The following RBBP8NL variants were observed in gnomAD, a reference collection of about 807,000 sequenced individuals.
RBBP8NL encodes RBBP8 N-terminal-like protein.
A neutral mutation model predicts 62.2 loss-of-function variants in RBBP8NL; 59 were observed. The ratio of observed to expected loss-of-function variants is 0.95; its 90% CI spans 0.77 to 1.18. The LOEUF (loss-of-function observed/expected upper bound fraction) is 1.18. Among genes scored for constraint, RBBP8NL ranks in the 50% most tolerant of loss-of-function variants. RBBP8NL has a pLI of 0.00. For synonymous variants in RBBP8NL, 412 were observed against 394.1 expected (o/e 1.05, Z -0.54); for missense variants, 896 against 899.5 (o/e 1.00, Z 0.05).
At chr20:62,420,249 T>C (rs1428046003) in intron 1 of RBBP8NL, among the ~76,000 whole-genome samples, 1 of 152,026 alleles carries the variant, frequency 6.6e-6, no homozygotes, top group Admixed American at 6.6e-5. Context: ...AACACCACTG[T>C]CACAGCACCT....
chr20:62,416,189 C>T lies in RBBP8NL; in HGVS notation c.361G>A (p.Glu121Lys), dbSNP rs1196449449. ...CCCAGGCCCCGAAGCCGCTTCACCT[C>T]CTCCTTCAAGGTCTCGTTCTCTTCC... ...LKEENETLKE[E>K]VKRLRGLGDR... is the part of the protein sequence containing the mutation. The change falls in exon 6 of 14, where the codon GAG becomes AAG. Residue 121 changes from glutamate to lysine, a missense_variant. Glu to Lys is a moderately conservative substitution (Grantham distance 56, BLOSUM62 1). Transcript: ENST00000252998. 6 of 1,613,068 alleles carry T rather than the reference C, an allele frequency of 3.7e-6. No homozygotes were observed. Among genetic ancestry groups the T allele is most frequent in the Non-Finnish European group, 4.2e-6 (5 of 1,179,818 alleles).
Position 62,416,163 on chromosome 20 carries a change from C to T in RBBP8NL, c.386+1G>A, listed in dbSNP as rs2146439992. ...GAGCCCTGGGACCCTTTCCCACTCA[C>T]CCCAGGCCCCGAAGCCGCTTCACCT... On this transcript the variant is annotated splice_donor_variant, in intron 6 of 13. Transcript: ENST00000252998. LOFTEE classifies it high-confidence loss of function. 6.2e-7 allele frequency: 1 copy of T among 1,611,576 alleles called. No individual in the cohort carries two copies. Among genetic ancestry groups the T allele is most frequent in the East Asian group, 2.2e-5 (1 of 44,858 alleles).
At chr20:62,419,035 C>T (rs1223009568) in intron 2 of RBBP8NL, among the ~76,000 whole-genome samples, 3 of 151,978 alleles carry the variant, frequency 2.0e-5, no homozygotes, top group Non-Finnish European at 4.4e-5. Context: ...GGGCTGCGGC[C>T]CTGTCCCTCG....
At chr20:62,413,768 G>A (rs1344773524) in intron 10 of RBBP8NL, 53 bp downstream of exon 10, 2 of 1,526,378 alleles carry the variant, frequency 1.3e-6, no homozygotes, top group East Asian at 4.6e-5. Flanking sequence ...CCGGCCCGGG[G>A]TGGGGGACGT....
In RBBP8NL at chr20:62,418,836, C is replaced by T. The variant is rs191927689; in HGVS notation, c.62-371G>A. Among the ~76,000 whole-genome samples, 34 of 152,262 alleles carry T rather than the reference C, an allele frequency of 2.2e-4. No homozygotes were observed. In the South Asian group the frequency reaches 2.5e-3, roughly 11 times the overall value. Reference sequence around the variant, plus strand: ...GTTGAAATAAGATAAGCTTCTGGGGCGGACCCCACCAGACCCTCTCCTTGC... The same window carrying T: ...GTTGAAATAAGATAAGCTTCTGGGGTGGACCCCACCAGACCCTCTCCTTGC... On this transcript the variant is annotated intron_variant, in intron 2 of 13. Transcript: ENST00000252998.
At chr20:62,416,056 C>A (rs919409721) in intron 6 of RBBP8NL, 108 bp downstream of exon 6, 2 of 1,470,744 alleles carry the variant, frequency 1.4e-6, no homozygotes, top group African/African-American at 2.8e-5. Flanking sequence ...TGTCCCGACA[C>A]TGCCTGAGAG....
intron 13 of RBBP8NL, among the ~76,000 whole-genome samples, chr20:62,412,343 T>A (rs1988452351): frequency 6.6e-6 from 1 of 152,050 alleles, no homozygotes; most frequent in Non-Finnish European, 1.5e-5. Flanking sequence ...TCTCCTACGA[T>A]CCCTAATGTC....
intron 7 of RBBP8NL, 53 bp from the exon 8 acceptor site, chr20:62,415,713 C>A: frequency 1.2e-6 from 2 of 1,607,846 alleles, no homozygotes; most frequent in South Asian, 1.1e-5. Flanking sequence ...AGAGGGGCAG[C>A]GGCCCAGCCC....
Position 62,415,826 on chromosome 20 carries a change from G to A in RBBP8NL, c.506C>T (p.Ala169Val). ...GCCCACGCCCTGGTGGTCTTCCTCA[G>A]CCTCCTCGTGGCCTCCCGGTGGCTT... is the stretch of plus-strand genomic sequence containing the variant. ...TEKPPGGHEE[A>V]EEDHQGVGLR... Residue 169 changes from alanine to valine, a missense_variant, in exon 7 of 14, where the codon GCT (alanine) becomes GTT (valine). Ala to Val is a moderately conservative substitution (Grantham distance 64, BLOSUM62 0). Transcript: ENST00000252998. The A allele has an allele frequency of 6.2e-7, 1 of 1,612,450 alleles. No individual in the cohort carries two copies. Among genetic ancestry groups the A allele is most frequent in the South Asian group, 1.1e-5 (1 of 91,076 alleles).
intron 13 of RBBP8NL, among the ~76,000 whole-genome samples, chr20:62,411,213 C>T (rs1988427421): frequency 6.6e-6 from 1 of 152,234 alleles, no homozygotes; most frequent in African/African-American, 2.4e-5. Context: ...GGTGGACACT[C>T]TCCCCATTGT....
intron 13 of RBBP8NL, 106 bp downstream of exon 13, chr20:62,412,518 A>C: frequency 7.0e-7 from 1 of 1,421,186 alleles, no homozygotes; most frequent in South Asian, 1.3e-5. Context: ...CATCATTCTG[A>C]GGCTGCCATT....
chr20:62,425,479 C>T (rs1988784622), intron 1 of RBBP8NL, among the ~76,000 whole-genome samples: 1 of 152,230 alleles, frequency 6.6e-6, no homozygotes, highest in Non-Finnish European at 1.5e-5. Flanking sequence ...CTCCCACACA[C>T]AGGCCAGGGA....
Position 62,416,704 on chromosome 20 carries a change from TG to T in RBBP8NL, c.313+55del, listed in dbSNP as rs377566335. On this transcript the variant is annotated intron_variant, in intron 5 of 13. Coordinates refer to ENST00000252998, the MANE Select transcript of RBBP8NL (RefSeq NM_080833.3). ...TGCCCCTACATGGGCTGAACAGGCC[TG>T]GGGTCGCCTGGCCCCGTGGGAGAGG... 6.9e-5 allele frequency: 87 copies of T among 1,261,684 alleles called. No homozygotes were observed. The African/African-American group carries it at 1.2e-3, about 17-fold the overall frequency. 78.2% of individuals were successfully genotyped at this position (1,261,684 alleles called of 1,614,324 possible).
intron 1 of RBBP8NL, among the ~76,000 whole-genome samples, chr20:62,426,182 C>T (rs373110709): frequency 3.4e-5 from 5 of 148,516 alleles, no homozygotes; most frequent in East Asian, 4.0e-4. Flanking sequence ...GTGGAAGCAG[C>T]GGCAGCGGCA....
intron 3 of RBBP8NL, 134 bp from the exon 4 acceptor site, chr20:62,417,453 C>T (rs927951910): frequency 1.7e-5 from 11 of 657,668 alleles, no homozygotes; most frequent in African/African-American, 1.3e-4. Context: ...TAACCCGGTG[C>T]CCCCCTCCCA....
rs1366348197 is a variant in RBBP8NL, at chr20:62,415,913, GT to G, written c.418del (p.Thr140ProfsTer70). On this transcript the variant is annotated frameshift_variant, in exon 7 of 14. Transcript: ENST00000252998. LOFTEE classifies it high-confidence loss of function. Reference sequence around the variant, plus strand: ...CAGCAGGGGTGAGGGGGGGTCCGAGGTGCCCTCCTTGGCCCGGGGCTTGGGC... The same window carrying G: ...CAGCAGGGGTGAGGGGGGGTCCGAGGGCCCTCCTTGGCCCGGGGCTTGGGC... Reference protein sequence around the residue: ...DRPKPRAKEGTSDPPSPLLLP... With the variant: ...DRPKPRAKEGXSDPPSPLLLP... 6.3e-7 allele frequency: 1 copy of G among 1,576,924 alleles called. No individual in the cohort carries two copies.
In RBBP8NL at chr20:62,414,103, G is replaced by T. The variant is rs748929125; in HGVS notation, c.1248C>A (p.His416Gln). The change falls in exon 10 of 14, where the codon CAC (histidine) becomes CAA (glutamine). Residue 416 changes from histidine to glutamine, a missense_variant. Physicochemically the swap from His to Gln is conservative, Grantham distance 24. Coordinates refer to ENST00000252998, the MANE Select transcript of RBBP8NL (RefSeq NM_080833.3). ...CGCGGCCCGGGCCTGCAGGCTGTGT[G>T]TGCCGCCCTCCAGACAGGCCTGCTG... is the stretch of plus-strand genomic sequence containing the variant. ...LAAAGLSGGR[H>Q]TQPAGPGRAQ... 25 of 1,593,112 alleles carry T rather than the reference G, an allele frequency of 1.6e-5. No individual in the cohort carries two copies. Among genetic ancestry groups the T allele is most frequent in the Non-Finnish European group, 2.1e-5 (25 of 1,171,898 alleles).
intron 2 of RBBP8NL, 78 bp downstream of exon 2, chr20:62,419,509 C>A: frequency 6.9e-7 from 1 of 1,456,474 alleles, no homozygotes; most frequent in African/African-American, 1.4e-5. Flanking sequence ...ATCATGGGTG[C>A]ACAGTGGCCT....
chr20:62,416,871 G>T lies in RBBP8NL; in HGVS notation c.202C>A (p.Leu68Met), dbSNP rs1014736742. 8.4e-6 allele frequency: 13 copies of T among 1,555,902 alleles called. No individual in the cohort carries two copies. Among genetic ancestry groups the T allele is most frequent in the Non-Finnish European group, 9.6e-6 (11 of 1,151,148 alleles). The stretch of plus-strand genomic sequence containing the variant: ...CAGCGGTCGCACAGGCCGGCCCGCA[G>T]CCTGCAGGGATGGGGACGCAGGGGG... ...KENLRVLENR[L>M]RAGLCDRCMV... Residue 68 changes from leucine (L) to methionine (M), a missense_variant and splice_region_variant, in exon 5 of 14, where the codon CTG becomes ATG. Coordinates refer to ENST00000252998, the MANE Select transcript of RBBP8NL (RefSeq NM_080833.3).
Sources: gnomAD v4.1 joint callset for allele counts (sites outside exome capture counted in the v4.1 genomes callset) on GRCh38, gnomAD v4.1.1 for gene constraint, MANE v1.5 for transcripts, NCBI Gene and HGNC (gene_info 2026-07-23, HGNC 2026-07-21) for gene names.